Variants in COQ10B observed in about 807,000 individuals in gnomAD.
The protein encoded by COQ10B is coenzyme Q10B.
Under a neutral mutation model 27.6 loss-of-function variants are expected in COQ10B, and 12 were observed. The ratio of observed to expected loss-of-function variants is 0.43; its 90% CI spans 0.28 to 0.70. COQ10B has a LOEUF of 0.70. COQ10B is among the 30% of genes least tolerant of loss of function. The probability of loss-of-function intolerance (pLI) is 0.17; values close to 1 mark genes in which losing one functional copy is unlikely to be tolerated. For synonymous variants in COQ10B, 115 were observed against 103.0 expected, an observed-to-expected ratio of 1.12 and a Z score of -0.71; for missense variants, 278 against 288.7, an observed-to-expected ratio of 0.96 and a Z score of 0.27.
At chr2:197,461,323 T>C (rs2085755238) in intron 2 of COQ10B, among the ~76,000 whole-genome samples, 1 of 152,140 alleles carries the variant, frequency 6.6e-6, no homozygotes, top group Admixed American at 6.6e-5. Flanking sequence ...AGAATGTTGA[T>C]CACATTGGTC....
chr2:197,454,128 C>T (rs1381219669), intron 1 of COQ10B: 2 of 1,550,606 alleles, frequency 1.3e-6, no homozygotes, highest in Non-Finnish European at 1.7e-6. Flanking sequence ...GTGCTTTGCC[C>T]TCGCCATTTA....
chr2:197,467,766 G>A (rs1398879362), intron 3 of COQ10B, among the ~76,000 whole-genome samples: 1 of 152,196 alleles, frequency 6.6e-6, no homozygotes, highest in Non-Finnish European at 1.5e-5. Flanking sequence ...GGGAAGAACA[G>A]AAGCCATGTG....
chr2:197,473,415 A>ATATATATAT (rs1553575308), intron 4 of COQ10B, among the ~76,000 whole-genome samples: 65 of 59,432 alleles, frequency 1.1e-3, no homozygotes, highest in Non-Finnish European at 1.5e-3. Context: ...AAAAAAAAAA[A>ATATATATAT]ATATATATAT....
chr2:197,467,274 ATTT>A lies in COQ10B; in HGVS notation c.448-2795_448-2793del, dbSNP rs2085834548. On this transcript the variant is annotated intron_variant, in intron 3 of 4. Transcript: ENST00000263960. Reference sequence around the variant, plus strand: ...GGTTCTGGATTTTATTTATTTATTTATTTATTTATTTATTTAGATGGAGTTTCG... The same window carrying A: ...GGTTCTGGATTTTATTTATTTATTTAATTTATTTATTTAGATGGAGTTTCG... 3.3e-5 allele frequency among the ~76,000 whole-genome samples: 5 copies of A among 149,792 alleles called. No homozygotes were observed. In the Admixed American group the frequency reaches 3.4e-4, roughly 10 times the overall value.
intron 3 of COQ10B, among the ~76,000 whole-genome samples, chr2:197,463,607 C>G (rs1480075938): frequency 6.8e-6 from 1 of 147,122 alleles, no homozygotes; most frequent in Non-Finnish European, 1.5e-5. Flanking sequence ...GACAGTGTCT[C>G]AAAAAAAATT....
At chr2:197,454,441 A>G (rs1268559488) in intron 1 of COQ10B, among the ~76,000 whole-genome samples, 2 of 152,292 alleles carry the variant, frequency 1.3e-5, no homozygotes, top group East Asian at 3.9e-4. Flanking sequence ...GCCCCAGGAC[A>G]TTTAGATTAA....
At chr2:197,463,552 G>A (rs2106050536) in intron 3 of COQ10B, among the ~76,000 whole-genome samples, 1 of 151,188 alleles carries the variant, frequency 6.6e-6, no homozygotes, top group African/African-American at 2.4e-5. Context: ...AGGCTAGAGA[G>A]AGCTGTGATT....
At chr2:197,467,542 T>G (rs2085837714) in intron 3 of COQ10B, among the ~76,000 whole-genome samples, 1 of 152,234 alleles carries the variant, frequency 6.6e-6, no homozygotes, top group East Asian at 1.9e-4. Flanking sequence ...CACGCCCAGC[T>G]AATTTTGTAT....
In COQ10B at chr2:197,474,032, C is replaced by A; in HGVS notation, c.*108C>A. On this transcript the variant is annotated 3_prime_UTR_variant, in exon 5 of 5. Coordinates refer to ENST00000263960, the MANE Select transcript of COQ10B (RefSeq NM_025147.5). ...GCCAGAAAGCATTTGTTAAACGCAG[C>A]TTTGGTTATAAACCTGCACCATTGA... is the stretch of plus-strand genomic sequence containing the variant. 1 of 871,672 alleles carries A rather than the reference C, an allele frequency of 1.1e-6. No individual in the cohort carries two copies. The highest frequency in any genetic ancestry group is 1.6e-6 in the Non-Finnish European group (1 of 615,634). The allele number at this position is 871,672 out of a possible 1,614,324, so 54.0% of individuals were successfully genotyped here.
chr2:197,458,997 A>G (rs1329831240), intron 1 of COQ10B, among the ~76,000 whole-genome samples: 1 of 152,104 alleles, frequency 6.6e-6, no homozygotes, highest in East Asian at 1.9e-4. Context: ...TAATAATCTT[A>G]TTAAGGAAAG....
chr2:197,456,241 G>A lies in COQ10B; in HGVS notation c.104+2577G>A, dbSNP rs555448817. 3.9e-5 allele frequency among the ~76,000 whole-genome samples: 6 copies of A among 152,132 alleles called. No homozygotes were observed. The South Asian group carries it at 6.2e-4, about 16-fold the overall frequency. The stretch of plus-strand genomic sequence containing the variant: ...AGCACTTTGGGAGGCCAAGGTGGGC[G>A]GATCACAAGGTCAAGAGATCAAGAC... On this transcript the variant is annotated intron_variant, in intron 1 of 4. Coordinates refer to ENST00000263960, the MANE Select transcript of COQ10B (RefSeq NM_025147.5).
intron 2 of COQ10B, among the ~76,000 whole-genome samples, chr2:197,461,725 C>CT (rs2085761033): frequency 6.6e-6 from 1 of 151,896 alleles, no homozygotes; most frequent in Non-Finnish European, 1.5e-5. Flanking sequence ...ACTGCAACCT[C>CT]TGTCTCTTGG....
chr2:197,454,131 G>A (rs1418746804), intron 1 of COQ10B: 2 of 1,550,214 alleles, frequency 1.3e-6, no homozygotes, highest in East Asian at 2.4e-5. Context: ...CTTTGCCCTC[G>A]CCATTTAGTG....
chr2:197,468,277 A>G (rs929612210), intron 3 of COQ10B, among the ~76,000 whole-genome samples: 1 of 151,914 alleles, frequency 6.6e-6, no homozygotes, highest in Non-Finnish European at 1.5e-5. Context: ...CATATCTAGT[A>G]AAAATACGAA....
rs910417220 is a variant in COQ10B at position 197,453,677 on chromosome 2, G to T, written c.104+13G>T. ...TGCGGAATGGCAGGTAATCAACAGCGGGGGCGCTGAGACGAGAGTAGTTTT... is the reference window on the plus strand; with the variant it reads ...TGCGGAATGGCAGGTAATCAACAGCTGGGGCGCTGAGACGAGAGTAGTTTT... On this transcript the variant is annotated intron_variant, in intron 1 of 4. Transcript: ENST00000263960. 2.5e-6 allele frequency: 4 copies of T among 1,606,588 alleles called. No individual in the cohort carries two copies. The highest frequency in any genetic ancestry group is 3.4e-6 in the Non-Finnish European group (4 of 1,173,466).
At chr2:197,462,496 C>A (rs1432033314) in intron 2 of COQ10B, 43 bp from the exon 3 acceptor site, 4 of 994,722 alleles carry the variant, frequency 4.0e-6, no homozygotes, top group Non-Finnish European at 4.5e-6. Context: ...TATTATATAA[C>A]TAGATGGAGT....
chr2:197,474,046 C>T lies in COQ10B; in HGVS notation c.*122C>T, dbSNP rs929118464. 2 of 670,818 alleles carry T rather than the reference C, an allele frequency of 3.0e-6. No homozygotes were observed. The highest frequency in any genetic ancestry group is 7.6e-5 in the Admixed American group (2 of 26,310). 41.6% of individuals were successfully genotyped at this position (670,818 alleles called of 1,614,324 possible). A position where few individuals can be genotyped will look rare whatever the true frequency, so the allele number is the denominator to read the frequency against. On this transcript the variant is annotated 3_prime_UTR_variant, in exon 5 of 5. Coordinates refer to ENST00000263960, the MANE Select transcript of COQ10B (RefSeq NM_025147.5). Reference sequence around the variant, plus strand: ...GTTAAACGCAGCTTTGGTTATAAACCTGCACCATTGAAAATTTGCACATAG... The same window carrying T: ...GTTAAACGCAGCTTTGGTTATAAACTTGCACCATTGAAAATTTGCACATAG...
In COQ10B at chr2:197,470,489, G is replaced by A. The variant is rs372431318; in HGVS notation, c.549+318G>A. ...AAGATGCAGAAACAGGCTAGGTGCA[G>A]TAGCCCATGCCTGGAATCCCAGCAC... On this transcript the variant is annotated intron_variant, in intron 4 of 4. Coordinates refer to ENST00000263960, the MANE Select transcript of COQ10B (RefSeq NM_025147.5). Among the ~76,000 whole-genome samples, 6 of 152,334 alleles carry A rather than the reference G, an allele frequency of 3.9e-5. No individual in the cohort carries two copies. In the South Asian group the frequency reaches 1.2e-3, roughly 32 times the overall value.
chr2:197,472,428 T>TAAAAC (rs139909350), intron 4 of COQ10B, among the ~76,000 whole-genome samples: 42,574 of 151,236 alleles, frequency 0.28, 7,379 homozygotes, highest in Middle Eastern at 0.43. Context: ...GTTAAAAGCC[T>TAAAAC]AAAACAAAAC....
Sources: gnomAD v4.1 joint callset for allele counts (sites outside exome capture counted in the v4.1 genomes callset) on GRCh38, gnomAD v4.1.1 for gene constraint, MANE v1.5 for transcripts, NCBI Gene and HGNC (gene_info 2026-07-23, HGNC 2026-07-21) for gene names.